Variants in ZMYND8 observed in about 807,000 individuals in gnomAD.
ZMYND8 encodes the protein MYND-type zinc finger-containing chromatin reader ZMYND8.
ZMYND8 carries 37 observed loss-of-function variants against 140.8 expected under a neutral mutation model. That is an observed-to-expected ratio of 0.26 (90% confidence interval 0.20 to 0.35). The LOEUF (loss-of-function observed/expected upper bound fraction) is 0.35, where lower values mean the gene tolerates loss of function less well. Among genes scored for constraint, ZMYND8 ranks in the 10% least tolerant of loss-of-function variants. ZMYND8 has a pLI of 1.00. For missense variants in ZMYND8, 1,068 were observed against 1,570.0 expected (o/e 0.68, Z 5.40); for synonymous variants, 592 against 597.1 (o/e 0.99, Z 0.12).
chr20:47,258,192 A>G (rs2074896707), intron 12 of ZMYND8, among the ~76,000 whole-genome samples: 1 of 152,178 alleles, frequency 6.6e-6, no homozygotes, highest in Admixed American at 6.5e-5. Flanking sequence ...CTGACCCCCA[A>G]AAAAGCTGAC....
intron 17 of ZMYND8, 143 bp downstream of exon 17, chr20:47,229,583 C>A (rs1341179858): frequency 1.4e-6 from 1 of 707,320 alleles, no homozygotes; most frequent in Non-Finnish European, 2.4e-6. Context: ...ATACCCCCAT[C>A]GATAATGACA....
At chr20:47,344,068 C>T (rs1435797222) in intron 2 of ZMYND8, among the ~76,000 whole-genome samples, 2 of 151,676 alleles carry the variant, frequency 1.3e-5, no homozygotes, top group African/African-American at 4.9e-5. Context: ...CCCCCTCCAC[C>T]CCGGGTTCAA....
chr20:47,314,774 T>C (rs960528832), intron 2 of ZMYND8, among the ~76,000 whole-genome samples: 29 of 152,122 alleles, frequency 1.9e-4, no homozygotes, highest in African/African-American at 6.5e-4. Flanking sequence ...GGACTCAGGA[T>C]AGAAGCTAAG....
intron 15 of ZMYND8, chr20:47,237,667 T>G (rs1433453048): frequency 6.6e-6 from 1 of 152,218 alleles, no homozygotes; most frequent in Non-Finnish European, 1.5e-5. Context: ...TGTGAAGGGT[T>G]TCACTGGGGG....
In ZMYND8 at chr20:47,298,223, G is replaced by T; in HGVS notation, c.453+506C>A. 2 of 968,776 alleles carry T rather than the reference G, an allele frequency of 2.1e-6. No individual in the cohort carries two copies. The highest frequency in any genetic ancestry group is 2.5e-6 in the Non-Finnish European group (2 of 815,592). 60.0% of individuals were successfully genotyped at this position (968,776 alleles called of 1,614,324 possible). A position where few individuals can be genotyped will look rare whatever the true frequency, so the allele number is the denominator to read the frequency against. On this transcript the variant is annotated intron_variant, in intron 4 of 22. Coordinates refer to ENST00000471951, the MANE Select transcript of ZMYND8 (RefSeq NM_001281775.3). The surrounding 1 kb of genome is among the most constrained non-coding windows in gnomAD (Gnocchi z 5.0). ...TCCATGCCTGTTTTTGTGCACTGTC[G>T]AATTCCCAGCACCTAATAGGCACTC...
At chr20:47,355,340 C>T in intron 1 of ZMYND8, 1 of 591,142 alleles carries the variant, frequency 1.7e-6, no homozygotes, top group Non-Finnish European at 2.1e-6. Flanking sequence ...TTTGTTCCTG[C>T]TAATGAAGCC....
At chr20:47,319,160 G>T (rs1393990964) in intron 2 of ZMYND8, 2 of 636,472 alleles carry the variant, frequency 3.1e-6, no homozygotes, top group Non-Finnish European at 5.0e-6. Flanking sequence ...GCGGGGCAAG[G>T]ACACTGTCAC....
At chr20:47,235,527 A>G (rs2039113109) in intron 16 of ZMYND8, among the ~76,000 whole-genome samples, 1 of 152,134 alleles carries the variant, frequency 6.6e-6, no homozygotes. Flanking sequence ...CGACATGGCG[A>G]AACCCCATCT....
At chr20:47,328,940 C>T (rs953763122) in intron 2 of ZMYND8, among the ~76,000 whole-genome samples, 11 of 152,154 alleles carry the variant, frequency 7.2e-5, no homozygotes, top group African/African-American at 2.4e-4. Flanking sequence ...GAGGGAGGAC[C>T]GCCCAGCTCC....
At chr20:47,323,205 A>C (rs2080117058) in intron 2 of ZMYND8, among the ~76,000 whole-genome samples, 1 of 152,130 alleles carries the variant, frequency 6.6e-6, no homozygotes, top group Non-Finnish European at 1.5e-5. Context: ...GCACAGAAAA[A>C]GGCAATAACC....
chr20:47,351,946 C>T (rs767272515), intron 1 of ZMYND8: 298 of 985,290 alleles, frequency 3.0e-4, no homozygotes, highest in Non-Finnish European at 3.4e-4. Context: ...AAAAAAAACT[C>T]TGCAATGACA....
intron 2 of ZMYND8, among the ~76,000 whole-genome samples, chr20:47,331,821 G>A (rs1037483670): frequency 5.9e-5 from 9 of 152,030 alleles, no homozygotes; most frequent in Non-Finnish European, 1.0e-4. Flanking sequence ...AGAGTCTCCA[G>A]GAAGCTCAGT....
intron 11 of ZMYND8, among the ~76,000 whole-genome samples, chr20:47,272,291 A>C (rs2147742130): frequency 6.6e-6 from 1 of 151,910 alleles, no homozygotes; most frequent in East Asian, 2.0e-4. Flanking sequence ...GTTAGCCAGG[A>C]TGGTCTCAAT....
intron 1 of ZMYND8, among the ~76,000 whole-genome samples, chr20:47,350,523 A>G (rs2082701378): frequency 1.3e-5 from 2 of 151,982 alleles, no homozygotes; most frequent in Non-Finnish European, 2.9e-5. Flanking sequence ...AAAAAAATGA[A>G]TATTACATCA....
intron 12 of ZMYND8, among the ~76,000 whole-genome samples, chr20:47,254,553 G>T (rs1418544275): frequency 6.6e-6 from 1 of 152,206 alleles, no homozygotes; most frequent in South Asian, 2.1e-4. Context: ...TCTGTGTGTT[G>T]ATATGAAAAG....
intron 3 of ZMYND8, among the ~76,000 whole-genome samples, chr20:47,308,096 T>C (rs1255069798): frequency 1.7e-4 from 24 of 143,036 alleles, no homozygotes; most frequent in Non-Finnish European, 6.0e-5. Context: ...CCAGCCTGGG[T>C]GACAGAGTCA....
chr20:47,262,394 C>T lies in ZMYND8; in HGVS notation c.1515G>A (p.Gly505=), dbSNP rs1172376571. 1 of 1,614,006 alleles carries T rather than the reference C, an allele frequency of 6.2e-7. No homozygotes were observed. Among genetic ancestry groups the T allele is most frequent in the South Asian group, 1.1e-5 (1 of 91,068 alleles). ...SPASTKTGQA[G]SLSGSPKPFS... The stretch of plus-strand genomic sequence containing the variant: ...AGGGCTTTGGGCTGCCGGATAAACT[C>T]CCTGCTTGTCCCGTCTTGGTGGAGG... Residue 505 remains glycine (G), a synonymous_variant, in exon 12 of 23, where the codon GGG becomes GGA. Coordinates refer to ENST00000471951, the MANE Select transcript of ZMYND8 (RefSeq NM_001281775.3).
At chr20:47,214,945 C>T (rs1044954798) in intron 21 of ZMYND8, among the ~76,000 whole-genome samples, 2 of 152,184 alleles carry the variant, frequency 1.3e-5, no homozygotes, top group Non-Finnish European at 2.9e-5. Context: ...CTGCTGACCA[C>T]GGTGGCACAT....
chr20:47,277,591 G>A (rs898219399), intron 10 of ZMYND8, among the ~76,000 whole-genome samples: 1 of 152,182 alleles, frequency 6.6e-6, no homozygotes. Context: ...AAAAACTGGC[G>A]AGAATAAGCT....
Sources: gnomAD v4.1 joint callset for allele counts (sites outside exome capture counted in the v4.1 genomes callset) on GRCh38, gnomAD v4.1.1 for gene constraint, Gnocchi (gnomAD v3.1) non-coding constraint, MANE v1.5 for transcripts, NCBI Gene and HGNC (gene_info 2026-07-23, HGNC 2026-07-21) for gene names.